The following CCL4 variants were observed in gnomAD, a reference collection of about 807,000 sequenced individuals.
CCL4 encodes the protein C-C motif chemokine 4.
In CCL4, 8 loss-of-function variants were observed where a neutral mutation model predicts 10.3. The ratio of observed to expected loss-of-function variants is 0.77; its 90% CI spans 0.45 to 1.39. CCL4 has a LOEUF of 1.39. CCL4 is among the 40% of genes most tolerant of loss of function. The pLI is 0.00. For synonymous variants in CCL4, 35 were observed against 44.3 expected, an observed-to-expected ratio of 0.79 and a Z score of 0.83; for missense variants, 106 against 111.2, an observed-to-expected ratio of 0.95 and a Z score of 0.21.
At chr17:36,105,116 A>T in intron 2 of CCL4, 109 bp from the exon 3 acceptor site, 4 of 1,158,030 alleles carry the variant, frequency 3.5e-6, no homozygotes, top group Non-Finnish European at 5.2e-6. Flanking sequence ...CCCATCCACC[A>T]GAGCTGCCCC....
At chr17:36,104,814 A>G in intron 2 of CCL4, 172 bp downstream of exon 2, 1 of 872,874 alleles carries the variant, frequency 1.1e-6, no homozygotes. Context: ...CAAGTGCTGA[A>G]GGCGGCAGAG....
Position 36,105,277 on chromosome 17 carries a change from G to A in CCL4, c.244G>A (p.Val82Ile). The A allele has an allele frequency of 6.2e-7, 1 of 1,614,060 alleles. No individual in the cohort carries two copies. Among genetic ancestry groups the A allele is most frequent in the Admixed American group, 1.7e-5 (1 of 60,028 alleles). The change falls in exon 3 of 3, where the codon GTC becomes ATC. Residue 82 changes from valine to isoleucine, a missense_variant. Val to Ile is a conservative substitution (Grantham distance 29, BLOSUM62 3). Coordinates refer to ENST00000615863, the MANE Select transcript of CCL4 (RefSeq NM_002984.4). ...QVCADPSESW[V>I]QEYVYDLELN ...CTGTGCTGATCCCAGTGAATCCTGG[G>A]TCCAGGAGTACGTGTATGACCTGGA...
At chr17:36,105,038 G>A in intron 2 of CCL4, 187 bp from the exon 3 acceptor site, 1 of 752,994 alleles carries the variant, frequency 1.3e-6, no homozygotes. Flanking sequence ...CAACTCCTGG[G>A]GCCCACAGCT....
chr17:36,104,571 G>A lies in CCL4; in HGVS notation c.120G>A (p.Ala40=), dbSNP rs774792725. 6.2e-6 allele frequency: 10 copies of A among 1,612,722 alleles called. No individual in the cohort carries two copies. Among genetic ancestry groups the A allele is most frequent in the African/African-American group, 2.7e-5 (2 of 74,840 alleles). ...PPTACCFSYT[A]RKLPRNFVVD... Reference sequence around the variant, plus strand: ...CCGCCTGCTGCTTTTCTTACACCGCGAGGAAGCTTCCTCGCAACTTTGTGG... The same window carrying A: ...CCGCCTGCTGCTTTTCTTACACCGCAAGGAAGCTTCCTCGCAACTTTGTGG... The change falls in exon 2 of 3, where the codon GCG becomes GCA. Residue 40 remains alanine, a synonymous_variant. Coordinates refer to ENST00000615863, the MANE Select transcript of CCL4 (RefSeq NM_002984.4).
Position 36,105,451 on chromosome 17 carries a change from G to A in CCL4, c.*139G>A, listed in dbSNP as rs1049826. ...TAATTTAATCTTTTTTATGTGCCGT[G>A]TTATTGTATTAGGTGTCATTTCCAT... On this transcript the variant is annotated 3_prime_UTR_variant, in exon 3 of 3. Transcript: ENST00000615863. 2.3e-6 allele frequency: 2 copies of A among 871,418 alleles called. No individual in the cohort carries two copies. Among genetic ancestry groups the A allele is most frequent in the African/African-American group, 1.7e-5 (1 of 60,020 alleles). The allele number at this position is 871,418 out of a possible 1,614,324, so 54.0% of individuals were successfully genotyped here.
intron 2 of CCL4, 148 bp downstream of exon 2, chr17:36,104,790 A>G: frequency 9.8e-7 from 1 of 1,021,986 alleles, no homozygotes; most frequent in South Asian, 1.4e-5. Context: ...GACACAGGTC[A>G]TGAACTCACT....
At position 36,105,468 on chromosome 17, in the gene CCL4, C is replaced by T. The variant is rs1049828; in HGVS notation, c.*156C>T. 3 of 776,804 alleles carry T rather than the reference C, an allele frequency of 3.9e-6. No individual in the cohort carries two copies. Among genetic ancestry groups the T allele is most frequent in the East Asian group, 5.3e-5 (2 of 37,580 alleles). 48.1% of individuals were successfully genotyped at this position (776,804 alleles called of 1,614,324 possible). ...TGTGCCGTGTTATTGTATTAGGTGTCATTTCCATTATTTATATTAGTTTAG... is the reference window on the plus strand; with the variant it reads ...TGTGCCGTGTTATTGTATTAGGTGTTATTTCCATTATTTATATTAGTTTAG... On this transcript the variant is annotated 3_prime_UTR_variant, in exon 3 of 3. Transcript: ENST00000615863.
rs1346320550 is a variant in CCL4, at chr17:36,104,599, G to T, written c.148G>T (p.Asp50Tyr). 1 of 1,613,628 alleles carries T rather than the reference G, an allele frequency of 6.2e-7. No homozygotes were observed. The change falls in exon 2 of 3, where the codon GAT becomes TAT. Residue 50 changes from aspartate to tyrosine, a missense_variant. Physicochemically the swap from Asp to Tyr is radical, Grantham distance 160. Transcript: ENST00000615863. ...GAAGCTTCCTCGCAACTTTGTGGTA[G>T]ATTACTATGAGACCAGCAGCCTCTG... ...ARKLPRNFVV[D>Y]YYETSSLCSQ...
intron 2 of CCL4, 41 bp downstream of exon 2, chr17:36,104,683 A>T: frequency 6.2e-7 from 1 of 1,612,632 alleles, no homozygotes; most frequent in Non-Finnish European, 8.5e-7. Flanking sequence ...GGCAAGGGTG[A>T]GGGCTGGATT....
chr17:36,105,578 T>C lies in CCL4; in HGVS notation c.*266T>C, dbSNP rs1049839. On this transcript the variant is annotated 3_prime_UTR_variant, in exon 3 of 3. Coordinates refer to ENST00000615863, the MANE Select transcript of CCL4 (RefSeq NM_002984.4). ...AATACATGGATAACACATTTGATTC[T>C]GTGTGTTTTCATAATAAAACTTTAA... 2.1e-4 allele frequency: 118 copies of C among 559,162 alleles called. 1 individual carries two copies. In the East Asian group the frequency reaches 2.6e-3, roughly 12 times the overall value. 34.6% of individuals were successfully genotyped at this position (559,162 alleles called of 1,614,324 possible).
intron 2 of CCL4, 149 bp from the exon 3 acceptor site, chr17:36,105,076 G>A: frequency 1.1e-6 from 1 of 888,284 alleles, no homozygotes; most frequent in Non-Finnish European, 1.9e-6. Context: ...GTTACAGGGA[G>A]TCTGCTTCCA....
At position 36,105,333 on chromosome 17, in the gene CCL4, C is replaced by G. The variant is rs2067153474; in HGVS notation, c.*21C>G. On this transcript the variant is annotated 3_prime_UTR_variant, in exon 3 of 3. Coordinates refer to ENST00000615863, the MANE Select transcript of CCL4 (RefSeq NM_002984.4). ...ACTGAGCTGCTCAGAGACAGGAAGT[C>G]TTCAGGGAAGGTCACCTGAGCCCGG... 6.2e-7 allele frequency: 1 copy of G among 1,611,972 alleles called. No individual in the cohort carries two copies. The highest frequency in any genetic ancestry group is 1.3e-5 in the African/African-American group (1 of 75,010).
rs758405029 is a variant in CCL4, at chr17:36,104,528, T to C, written c.77T>C (p.Met26Thr). The C allele has an allele frequency of 8.1e-6, 13 of 1,607,822 alleles. No homozygotes were observed. Among genetic ancestry groups the C allele is most frequent in the Non-Finnish European group, 1.1e-5 (13 of 1,178,114 alleles). ...ATCTCACCCTGGCCTTTCCTTTCAG[T>C]GGGCTCAGACCCTCCCACCGCCTGC... Reference protein sequence around the residue: ...AFCSPALSAPMGSDPPTACCF... With the variant: ...AFCSPALSAPTGSDPPTACCF... The change falls in exon 2 of 3, where the codon ATG (methionine) becomes ACG (threonine). Residue 26 changes from methionine to threonine, a missense_variant and splice_region_variant. Met to Thr is a moderately conservative substitution (Grantham distance 81). Transcript: ENST00000615863.
intron 2 of CCL4, 48 bp downstream of exon 2, chr17:36,104,690 G>T (rs1174772595): frequency 6.2e-7 from 1 of 1,611,092 alleles, no homozygotes; most frequent in Non-Finnish European, 8.5e-7. Context: ...GTGAGGGCTG[G>T]ATTTTAAAAG....
At chr17:36,105,158 A>G in intron 2 of CCL4, 67 bp from the exon 3 acceptor site, 1 of 1,508,696 alleles carries the variant, frequency 6.6e-7, no homozygotes. Flanking sequence ...AGGAAGATGC[A>G]AAGGATAAAG....
At chr17:36,104,221 T>C (rs1409573100) in intron 1 of CCL4, 1 of 711,350 alleles carries the variant, frequency 1.4e-6, no homozygotes, top group African/African-American at 1.7e-5. Flanking sequence ...ACTGTTGAAT[T>C]GGCTCTGCCT....
intron 2 of CCL4, 84 bp from the exon 3 acceptor site, chr17:36,105,141 C>G: frequency 7.2e-7 from 1 of 1,394,504 alleles, no homozygotes; most frequent in Admixed American, 1.7e-5. Flanking sequence ...GGACCATGGT[C>G]AGGCAGAGGA....
chr17:36,104,662 C>A lies in CCL4; in HGVS notation c.191+20C>A. 6.2e-7 allele frequency: 1 copy of A among 1,613,800 alleles called. No homozygotes were observed. Among genetic ancestry groups the A allele is most frequent in the Non-Finnish European group, 8.5e-7 (1 of 1,179,818 alleles). On this transcript the variant is annotated intron_variant, in intron 2 of 2. Transcript: ENST00000615863. Reference sequence around the variant, plus strand: ...TGTGGTGTGAGTATCAACCCCTGGGCTGCCCTGGGAGGCAAGGGTGAGGGC... The same window carrying A: ...TGTGGTGTGAGTATCAACCCCTGGGATGCCCTGGGAGGCAAGGGTGAGGGC...
intron 2 of CCL4, 108 bp from the exon 3 acceptor site, chr17:36,105,117 G>C (rs1568573797): frequency 2.6e-6 from 3 of 1,171,226 alleles, no homozygotes; most frequent in Admixed American, 1.7e-5. Context: ...CCATCCACCA[G>C]AGCTGCCCCA....
Sources: gnomAD v4.1 joint callset for allele counts on GRCh38, gnomAD v4.1.1 for gene constraint, MANE v1.5 for transcripts, NCBI Gene and HGNC (gene_info 2026-07-23, HGNC 2026-07-21) for gene names.